The following SNTG1 variants were observed in gnomAD, a reference collection of about 807,000 sequenced individuals.
SNTG1 encodes gamma-1-syntrophin.
In SNTG1, 39 loss-of-function variants were observed where a neutral mutation model predicts 74.7. The ratio of observed to expected loss-of-function variants is 0.52; its 90% confidence interval spans 0.40 to 0.68. The LOEUF (loss-of-function observed/expected upper bound fraction) is 0.68, where lower values mean the gene tolerates loss of function less well. Ranked by LOEUF, SNTG1 falls within the 30% of genes least tolerant of loss-of-function variation. The probability of loss-of-function intolerance (pLI) is 0.00; values close to 1 mark genes in which losing one functional copy is unlikely to be tolerated. For synonymous variants in SNTG1, 254 were observed against 217.1 expected, an observed-to-expected ratio of 1.17 and a Z score of -1.49; for missense variants, 685 against 609.5, an observed-to-expected ratio of 1.12 and a Z score of -1.30.
intron 8 of SNTG1, among the ~76,000 whole-genome samples, chr8:50,502,114 T>C (rs2093964601): frequency 6.6e-6 from 1 of 152,140 alleles, no homozygotes; most frequent in Non-Finnish European, 1.5e-5. Flanking sequence ...TTAAAAAATG[T>C]TGAGAGTTAT....
intron 1 of SNTG1, among the ~76,000 whole-genome samples, chr8:50,163,162 A>G (rs181231899): frequency 6.5e-4 from 99 of 152,258 alleles, no homozygotes; most frequent in African/African-American, 2.3e-3. Context: ...TGTAGATTCT[A>G]TCAACTGGGA....
At chr8:50,417,675 C>T (rs573055172) in intron 4 of SNTG1, among the ~76,000 whole-genome samples, 2 of 152,138 alleles carry the variant, frequency 1.3e-5, no homozygotes, top group East Asian at 3.9e-4. Context: ...CTTCTCTCTC[C>T]AAGTGTATCC....
At chr8:50,373,912 A>ATCCTCGT (rs1441310230) in intron 2 of SNTG1, among the ~76,000 whole-genome samples, 1 of 152,104 alleles carries the variant, frequency 6.6e-6, no homozygotes, top group Non-Finnish European at 1.5e-5. Context: ...TCCACTGTGA[A>ATCCTCGT]TCCTCGTTCC....
intron 18 of SNTG1, among the ~76,000 whole-genome samples, chr8:50,791,120 T>G (rs977335350): frequency 6.6e-6 from 1 of 151,914 alleles, no homozygotes; most frequent in Non-Finnish European, 1.5e-5. Context: ...GAGAAAGTAT[T>G]TAAAATGTGT....
intron 1 of SNTG1, among the ~76,000 whole-genome samples, chr8:49,950,862 G>A (rs1809636655): frequency 6.6e-6 from 1 of 152,190 alleles, no homozygotes; most frequent in Non-Finnish European, 1.5e-5. Flanking sequence ...TCTGAGACAT[G>A]TGAAGTTCTC....
intron 4 of SNTG1, among the ~76,000 whole-genome samples, chr8:50,405,451 T>G (rs980489423): frequency 2.0e-5 from 3 of 152,112 alleles, no homozygotes; most frequent in Non-Finnish European, 4.4e-5. Flanking sequence ...GCGTCCTCTT[T>G]GGGTAAGTGT....
rs117351203 is a variant in SNTG1 at position 50,761,131 on chromosome 8, C to A, written c.1395+9020C>A. 4.1e-3 allele frequency among the ~76,000 whole-genome samples: 617 copies of A among 152,066 alleles called. 15 individuals are homozygous for A. In the East Asian group the frequency reaches 0.081, roughly 20 times the overall value. ...TGATGCGAAAATCCTCAGTAAGATACCGGCAAACCGAATCCAGCAGCCCAT... is the reference window on the plus strand; with the variant it reads ...TGATGCGAAAATCCTCAGTAAGATAACGGCAAACCGAATCCAGCAGCCCAT... On this transcript the variant is annotated intron_variant, in intron 18 of 18. Transcript: ENST00000642720.
intron 2 of SNTG1, among the ~76,000 whole-genome samples, chr8:50,200,726 C>A (rs746831509): frequency 6.6e-6 from 1 of 151,798 alleles, no homozygotes; most frequent in African/African-American, 2.4e-5. Context: ...GAATGAATCA[C>A]GATAAATGAA....
At chr8:50,182,071 T>C (rs952480305) in intron 2 of SNTG1, among the ~76,000 whole-genome samples, 2 of 152,222 alleles carry the variant, frequency 1.3e-5, no homozygotes, top group Non-Finnish European at 1.5e-5. Context: ...GAGCAAGTGG[T>C]GATATCATAT....
chr8:49,980,521 C>CAAA (rs565561398), intron 1 of SNTG1, among the ~76,000 whole-genome samples: 11 of 53,830 alleles, frequency 2.0e-4, no homozygotes, highest in African/African-American at 2.9e-4. Flanking sequence ...GACTCCTTCG[C>CAAA]AAAAAAAAAA....
At chr8:50,274,148 C>T (rs536761988) in intron 2 of SNTG1, among the ~76,000 whole-genome samples, 2 of 152,040 alleles carry the variant, frequency 1.3e-5, no homozygotes, top group Admixed American at 6.6e-5. Flanking sequence ...AGTGCAATGG[C>T]GAGATCTTGG....
chr8:50,229,202 TAAAC>T (rs1399982286), intron 2 of SNTG1, among the ~76,000 whole-genome samples: 1 of 151,272 alleles, frequency 6.6e-6, no homozygotes, highest in Non-Finnish European at 1.5e-5. Context: ...GAGGGGAAAA[TAAAC>T]AAAAGCAAAT....
chr8:50,016,075 T>G (rs941782883), intron 1 of SNTG1, among the ~76,000 whole-genome samples: 2 of 152,022 alleles, frequency 1.3e-5, no homozygotes, highest in Non-Finnish European at 2.9e-5. Flanking sequence ...ATGTAATGGT[T>G]TCACAGGGAT....
intron 4 of SNTG1, among the ~76,000 whole-genome samples, chr8:50,405,270 A>G (rs2092857954): frequency 6.6e-6 from 1 of 152,098 alleles, no homozygotes; most frequent in South Asian, 2.1e-4. Context: ...TCAACAAGCA[A>G]AATACAAGGG....
At chr8:50,573,864 A>G (rs1248703506) in intron 12 of SNTG1, among the ~76,000 whole-genome samples, 1 of 151,932 alleles carries the variant, frequency 6.6e-6, no homozygotes, top group African/African-American at 2.4e-5. Flanking sequence ...TTATTTCTTT[A>G]ATAACTGTTT....
At chr8:49,952,727 A>G (rs2129393575) in intron 1 of SNTG1, among the ~76,000 whole-genome samples, 1 of 152,340 alleles carries the variant, frequency 6.6e-6, no homozygotes, top group South Asian at 2.1e-4. Context: ...ACAGTAATGT[A>G]GATGTACAGA....
chr8:50,614,605 G>T (rs2094873953), intron 13 of SNTG1, among the ~76,000 whole-genome samples: 1 of 152,042 alleles, frequency 6.6e-6, no homozygotes, highest in Non-Finnish European at 1.5e-5. Flanking sequence ...GTTGAAATTT[G>T]CATTTTAATT....
rs150634729 is a variant in SNTG1, at chr8:50,639,202, A to G, written c.850-17707A>G. ...ATTGTGTTATAAAATAATGATAGTG[A>G]CAGAAATGCTTTTCAGTTAAAAAAA... On this transcript the variant is annotated intron_variant, in intron 13 of 18. Coordinates refer to ENST00000642720, the MANE Select transcript of SNTG1 (RefSeq NM_018967.5). Among the ~76,000 whole-genome samples, 379 of 134,140 alleles carry G rather than the reference A, an allele frequency of 2.8e-3. 4 individuals carry two copies. The highest frequency in any genetic ancestry group is 0.01 in the African/African-American group (362 of 35,354). 88.0% of individuals were successfully genotyped at this position (134,140 alleles called of 152,430 possible). A position where few individuals can be genotyped will look rare whatever the true frequency, so the allele number is the denominator to read the frequency against.
chr8:50,326,129 A>C (rs896162078), intron 2 of SNTG1, among the ~76,000 whole-genome samples: 1 of 151,928 alleles, frequency 6.6e-6, no homozygotes, highest in Admixed American at 6.6e-5. Flanking sequence ...ATTTGCTGTC[A>C]TTTTGTTCAC....
Sources: gnomAD v4.1 joint callset for allele counts (sites outside exome capture counted in the v4.1 genomes callset) on GRCh38, gnomAD v4.1.1 for gene constraint, MANE v1.5 for transcripts, NCBI Gene and HGNC (gene_info 2026-07-23, HGNC 2026-07-21) for gene names.